Variants in MAPK10 observed in about 807,000 individuals in gnomAD.
The protein encoded by MAPK10 is JNK3 alpha protein kinase.
MAPK10 carries 25 observed loss-of-function variants against 59.3 expected under a neutral mutation model. The ratio of observed to expected loss-of-function variants is 0.42; its 90% confidence interval spans 0.31 to 0.59. The LOEUF (loss-of-function observed/expected upper bound fraction) is 0.59. Ranked by LOEUF, MAPK10 falls within the 20% of genes least tolerant of loss-of-function variation. The pLI, the probability that MAPK10 is intolerant of heterozygous loss-of-function variation, is 0.15. For missense variants in MAPK10, 351 were observed against 568.9 expected, an observed-to-expected ratio of 0.62 and a Z score of 3.90; for synonymous variants, 190 against 200.5, an observed-to-expected ratio of 0.95 and a Z score of 0.44.
At chr4:86,239,586 T>C (rs2092562070) in intron 2 of MAPK10, among the ~76,000 whole-genome samples, 1 of 152,132 alleles carries the variant, frequency 6.6e-6, no homozygotes, top group African/African-American at 2.4e-5. Context: ...GGAGGGTGTA[T>C]GTATCCAGGA....
intron 4 of MAPK10, among the ~76,000 whole-genome samples, chr4:86,112,252 C>A (rs530865017): frequency 9.3e-5 from 14 of 151,102 alleles, no homozygotes; most frequent in African/African-American, 3.4e-4. Flanking sequence ...TTGTCTTCTG[C>A]TAGCTTTGGG....
intron 2 of MAPK10, among the ~76,000 whole-genome samples, chr4:86,267,347 CA>C (rs2094285000): frequency 6.6e-6 from 1 of 152,156 alleles, no homozygotes; most frequent in Non-Finnish European, 1.5e-5. Context: ...TCCTCCTAAG[CA>C]GTAACTCCAG....
intron 1 of MAPK10, among the ~76,000 whole-genome samples, chr4:86,488,161 C>T (rs972178934): frequency 3.3e-5 from 5 of 152,160 alleles, no homozygotes; most frequent in Admixed American, 6.5e-5. Context: ...ATTCCCCCAC[C>T]TCCTCCCATA....
intron 9 of MAPK10, 70 bp downstream of exon 9, chr4:86,098,454 A>G: frequency 6.2e-7 from 1 of 1,603,464 alleles, no homozygotes; most frequent in Non-Finnish European, 8.5e-7. Flanking sequence ...CTCTCCTGGT[A>G]AAATCATTAT....
At chr4:86,423,310 T>C (rs1030707128) in intron 1 of MAPK10, among the ~76,000 whole-genome samples, 12 of 152,212 alleles carry the variant, frequency 7.9e-5, no homozygotes, top group African/African-American at 2.7e-4. Context: ...CTTCCCATTC[T>C]TAAAATGCTG....
chr4:86,303,912 A>T (rs1319796610), intron 2 of MAPK10, among the ~76,000 whole-genome samples: 1 of 152,214 alleles, frequency 6.6e-6, no homozygotes. Context: ...AAATCATAGA[A>T]TAGTCTAGTT....
At chr4:86,081,006 C>G (rs1307007649) in intron 9 of MAPK10, 1 of 151,828 alleles carries the variant, frequency 6.6e-6, no homozygotes, top group East Asian at 1.9e-4. Context: ...TTTACCTTAC[C>G]TAATATAAGT....
chr4:86,457,066 A>G (rs1262797380), upstream of MAPK10, among the ~76,000 whole-genome samples: 3 of 152,236 alleles, frequency 2.0e-5, no homozygotes, highest in Non-Finnish European at 2.9e-5. Flanking sequence ...TCACAAAATC[A>G]TCTCAATAGA....
chr4:86,509,628 T>C (rs954945665), intron 1 of MAPK10, among the ~76,000 whole-genome samples: 7 of 152,152 alleles, frequency 4.6e-5, no homozygotes, highest in Admixed American at 4.6e-4. Context: ...CCAGCTAAAA[T>C]GTAAACAATT....
chr4:86,344,799 G>A (rs933016036), intron 2 of MAPK10, among the ~76,000 whole-genome samples: 1 of 152,124 alleles, frequency 6.6e-6, no homozygotes, highest in Non-Finnish European at 1.5e-5. Flanking sequence ...GGCACCAATA[G>A]TTTCACCTGA....
chr4:86,264,030 T>G (rs2094126121), intron 2 of MAPK10, among the ~76,000 whole-genome samples: 1 of 152,238 alleles, frequency 6.6e-6, no homozygotes, highest in South Asian at 2.1e-4. Context: ...TTATAGTTGT[T>G]GCTTAAATAG....
intron 2 of MAPK10, among the ~76,000 whole-genome samples, chr4:86,267,901 A>G (rs1355847190): frequency 3.9e-5 from 6 of 152,306 alleles, no homozygotes; most frequent in African/African-American, 1.2e-4. Context: ...AAAGTAAAGC[A>G]TATCTACTTA....
Position 86,410,696 on chromosome 4 carries a change from G to T in MAPK10, c.-122+42334C>A, listed in dbSNP as rs1745039175. Among the ~76,000 whole-genome samples the T allele has an allele frequency of 2.0e-5, 3 of 152,156 alleles. 1 individual carries two copies. Among genetic ancestry groups the T allele is most frequent in the African/African-American group, 7.2e-5 (3 of 41,450 alleles). On this transcript the variant is annotated intron_variant, in intron 1 of 13. Coordinates refer to the MAPK10 transcript ENST00000361569. Reference sequence around the variant, plus strand: ...TTTTCTAGTTTATTTGTGTAGAGGTGTTTATAGTATTCTGTGATGGTAGTT... The same window carrying T: ...TTTTCTAGTTTATTTGTGTAGAGGTTTTTATAGTATTCTGTGATGGTAGTT...
At chr4:86,360,064 A>G (rs1333725275), upstream of MAPK10, 1 of 985,778 alleles carries the variant, frequency 1.0e-6, no homozygotes, top group Non-Finnish European at 1.2e-6. Flanking sequence ...GGAACCTACC[A>G]GAGGAGACGG....
intron 1 of MAPK10, among the ~76,000 whole-genome samples, chr4:86,495,407 A>G (rs566066646): frequency 9.8e-5 from 15 of 152,302 alleles, no homozygotes; most frequent in Non-Finnish European, 1.8e-4. Flanking sequence ...TTCCCTTGAG[A>G]CTATTTTGAA....
intron 1 of MAPK10, among the ~76,000 whole-genome samples, chr4:86,508,436 C>T (rs981484676): frequency 6.6e-6 from 1 of 152,136 alleles, no homozygotes; most frequent in Non-Finnish European, 1.5e-5. Flanking sequence ...TTATTTCTGG[C>T]GAGCCCTTTC....
intron 4 of MAPK10, among the ~76,000 whole-genome samples, chr4:86,110,775 A>G (rs1298627462): frequency 6.6e-6 from 1 of 152,112 alleles, no homozygotes; most frequent in Admixed American, 6.5e-5. Flanking sequence ...GAAGAATGTC[A>G]ATGGTAGTTT....
At chr4:86,237,462 A>G (rs2092351719) in intron 2 of MAPK10, among the ~76,000 whole-genome samples, 1 of 152,182 alleles carries the variant, frequency 6.6e-6, no homozygotes, top group South Asian at 2.1e-4. Flanking sequence ...ACTAATTTAC[A>G]TTCCCACCAA....
chr4:86,147,673 T>C (rs561504013), intron 4 of MAPK10, among the ~76,000 whole-genome samples: 70 of 152,246 alleles, frequency 4.6e-4, no homozygotes, highest in Non-Finnish European at 8.5e-4. Flanking sequence ...GATTGTACTA[T>C]TTAATGATTC....
Sources: gnomAD v4.1 joint callset for allele counts (sites outside exome capture counted in the v4.1 genomes callset) on GRCh38, gnomAD v4.1.1 for gene constraint, MANE v1.5 for transcripts, NCBI Gene and HGNC (gene_info 2026-07-23, HGNC 2026-07-21) for gene names.